Variants in CORO7 observed in about 807,000 individuals in gnomAD.
The protein encoded by CORO7 is coronin 7, also known as coronin-7.
A neutral mutation model predicts 126.6 loss-of-function variants in CORO7; 107 were observed. The ratio of observed to expected loss-of-function variants is 0.85; its 90% CI spans 0.72 to 0.99. The LOEUF is 0.99. Ranked by LOEUF, CORO7 falls within the 50% of genes least tolerant of loss-of-function variation. The probability of loss-of-function intolerance (pLI) is 0.00; values close to 1 mark genes in which losing one functional copy is unlikely to be tolerated. For missense variants in CORO7, 1,314 were observed against 1,255.8 expected (o/e 1.05, Z -0.70); for synonymous variants, 603 against 536.8 (o/e 1.12, Z -1.70).
rs1395311418 is a variant in CORO7 at position 4,357,955 on chromosome 16, T to A, written c.2593+13A>T. ...CATCCCGCTTCCTCCCCACACCCAG[T>A]CCCTCGGTGCACCTGGGCTCATGTC... is the stretch of plus-strand genomic sequence containing the variant. On this transcript the variant is annotated intron_variant, in intron 25 of 27. Coordinates refer to ENST00000251166, the MANE Select transcript of CORO7 (RefSeq NM_024535.5). 1.3e-6 allele frequency: 2 copies of A among 1,591,014 alleles called. No individual in the cohort carries two copies. The highest frequency in any genetic ancestry group is 1.7e-6 in the Non-Finnish European group (2 of 1,162,098).
intron 23 of CORO7, 93 bp from the exon 24 acceptor site, chr16:4,358,576 G>A (rs2054058665): frequency 8.2e-7 from 1 of 1,222,636 alleles, no homozygotes; most frequent in Non-Finnish European, 1.1e-6. Context: ...CCTCACTTAG[G>A]ACCACCATGC....
chr16:4,393,249 T>C (rs13338333), intron 7 of CORO7, among the ~76,000 whole-genome samples: 116,032 of 152,144 alleles, frequency 0.76, 44,440 homozygotes, highest in Non-Finnish European at 0.79. Flanking sequence ...GGGAAGCCTC[T>C]GTGGCACCTT....
intron 7 of CORO7, among the ~76,000 whole-genome samples, chr16:4,390,995 C>T (rs533478132): frequency 6.6e-6 from 1 of 152,206 alleles, no homozygotes; most frequent in Non-Finnish European, 1.5e-5. Context: ...TTGTCCGTGC[C>T]CAGCCACTCC....
chr16:4,359,204 G>T, intron 23 of CORO7, 92 bp downstream of exon 23: 2 of 1,385,382 alleles, frequency 1.4e-6, no homozygotes, highest in East Asian at 2.5e-5. Flanking sequence ...TCTGACCCCC[G>T]ACCCACAGGC....
At chr16:4,405,431 G>C in intron 6 of CORO7, 60 bp downstream of exon 6, 3 of 1,549,410 alleles carry the variant, frequency 1.9e-6, no homozygotes, top group South Asian at 1.2e-5. Flanking sequence ...CCAGCCCAGG[G>C]GGTCCCAGCC....
intron 9 of CORO7, among the ~76,000 whole-genome samples, chr16:4,383,934 C>T (rs957057834): frequency 1.6e-4 from 25 of 152,198 alleles, no homozygotes; most frequent in African/African-American, 4.8e-4. Context: ...TGGATGGTCC[C>T]GGGAGCAAGT....
intron 1 of CORO7, among the ~76,000 whole-genome samples, chr16:4,413,838 G>A (rs950154467): frequency 4.7e-5 from 7 of 149,744 alleles, no homozygotes; most frequent in Admixed American, 2.7e-4. Flanking sequence ...GCCCCCAGCC[G>A]TGTTGTGTTA....
chr16:4,386,052 G>A (rs918966334), intron 9 of CORO7, among the ~76,000 whole-genome samples: 7 of 152,194 alleles, frequency 4.6e-5, no homozygotes, highest in Non-Finnish European at 8.8e-5. Context: ...GGACGCCTGG[G>A]GGTGCAGGGG....
intron 6 of CORO7, among the ~76,000 whole-genome samples, chr16:4,398,878 GA>G (rs2055699098): frequency 6.6e-6 from 1 of 150,836 alleles, no homozygotes; most frequent in African/African-American, 2.4e-5. Context: ...TGAGGCAGGA[GA>G]ATCGCATGAA....
Position 4,354,979 on chromosome 16 carries a change from GAA to G in CORO7, c.*177_*178del, listed in dbSNP as rs1276111352. Reference sequence around the variant, plus strand: ...AGCTGACCCCAGAGACAGCAGAGGTGAAAACAGTCCCTGGGAACTGCCAGAGG... The same window carrying G: ...AGCTGACCCCAGAGACAGCAGAGGTGAACAGTCCCTGGGAACTGCCAGAGG... On this transcript the variant is annotated 3_prime_UTR_variant, in exon 28 of 28. Coordinates refer to ENST00000251166, the MANE Select transcript of CORO7 (RefSeq NM_024535.5). 1.6e-6 allele frequency: 1 copy of G among 608,772 alleles called. No individual in the cohort carries two copies. The highest frequency in any genetic ancestry group is 1.8e-5 in the African/African-American group (1 of 54,114). The allele number at this position is 608,772 out of a possible 1,614,324, so 37.7% of individuals were successfully genotyped here.
intron 9 of CORO7, among the ~76,000 whole-genome samples, chr16:4,376,230 G>T (rs1220498393): frequency 1.3e-5 from 2 of 152,192 alleles, no homozygotes; most frequent in African/African-American, 4.8e-5. Context: ...GGGAGACGGG[G>T]CGGACCCAGC....
At chr16:4,365,746 C>T (rs994356997) in intron 9 of CORO7, among the ~76,000 whole-genome samples, 88 of 152,272 alleles carry the variant, frequency 5.8e-4, no homozygotes, top group African/African-American at 2.0e-3. Context: ...CCAGCTGCTC[C>T]TCCCCAGGGC....
At chr16:4,368,528 AC>A (rs1294741027) in intron 9 of CORO7, among the ~76,000 whole-genome samples, 1 of 151,962 alleles carries the variant, frequency 6.6e-6, no homozygotes, top group Non-Finnish European at 1.5e-5. Context: ...GAGGCCGATC[AC>A]TTTGGGTCAG....
At chr16:4,412,566 C>T (rs556338490) in intron 2 of CORO7, 136 bp from the exon 3 acceptor site, 2 of 849,366 alleles carry the variant, frequency 2.4e-6, no homozygotes, top group African/African-American at 1.7e-5. Flanking sequence ...AAGATCATAT[C>T]CTCTGCACGT....
At chr16:4,401,447 G>A (rs1350608614) in intron 6 of CORO7, among the ~76,000 whole-genome samples, 1 of 152,218 alleles carries the variant, frequency 6.6e-6, no homozygotes, top group African/African-American at 2.4e-5. Flanking sequence ...GCCAGCTGCA[G>A]TTTACCAAGC....
At chr16:4,395,975 A>ATGTG (rs144340601) in intron 6 of CORO7, among the ~76,000 whole-genome samples, 115,469 of 151,572 alleles carry the variant, frequency 0.76, 44,204 homozygotes, top group Non-Finnish European at 0.79. Context: ...CTGTGGAACA[A>ATGTG]TGTGTGTGTG....
At chr16:4,368,693 G>A (rs1210200082) in intron 9 of CORO7, among the ~76,000 whole-genome samples, 2 of 149,232 alleles carry the variant, frequency 1.3e-5, no homozygotes, top group African/African-American at 2.5e-5. Context: ...GGTTGCAGTG[G>A]GCCAAGATTG....
At chr16:4,356,625 G>C (rs1400786562) in intron 26 of CORO7, 2 of 157,674 alleles carry the variant, frequency 1.3e-5, no homozygotes, top group Non-Finnish European at 2.8e-5. Context: ...TACAGACGGG[G>C]TTTCACCGTG....
chr16:4,367,029 G>T lies in CORO7; in HGVS notation c.786-1484C>A, dbSNP rs533015975. On this transcript the variant is annotated intron_variant, in intron 9 of 27. Coordinates refer to ENST00000251166, the MANE Select transcript of CORO7 (RefSeq NM_024535.5). ...CTCCACTGTCCACCCATCCCCTCCT[G>T]CCAGCCGACCACTAAGCAGTCCTGC... Among the ~76,000 whole-genome samples the T allele has an allele frequency of 1.6e-3, 251 of 152,230 alleles. 1 individual carries two copies. Among genetic ancestry groups the T allele is most frequent in the Middle Eastern group, 3.4e-3 (1 of 294 alleles).
Sources: allele counts gnomAD v4.1 joint callset (sites outside exome capture counted in the v4.1 genomes callset), GRCh38; gene constraint gnomAD v4.1.1; transcripts MANE v1.5; gene names NCBI Gene and HGNC (gene_info 2026-07-23, HGNC 2026-07-21).